TMTC2: variants seen among roughly 807,000 people sequenced by gnomAD.
TMTC2 encodes transmembrane O-mannosyltransferase targeting cadherins 2, also known as protein O-mannosyl-transferase TMTC2.
Under a neutral mutation model 82.4 loss-of-function variants are expected in TMTC2, and 43 were observed. That is an observed-to-expected ratio of 0.52 (90% CI 0.41 to 0.67). The LOEUF (loss-of-function observed/expected upper bound fraction) is 0.67. TMTC2 is among the 30% of genes least tolerant of loss of function. The probability of loss-of-function intolerance (pLI) is 0.00; values close to 1 mark genes in which losing one functional copy is unlikely to be tolerated. For missense variants in TMTC2, 919 were observed against 1,012.4 expected, an observed-to-expected ratio of 0.91 and a Z score of 1.25; for synonymous variants, 408 against 381.9, an observed-to-expected ratio of 1.07 and a Z score of -0.80.
intron 7 of TMTC2, among the ~76,000 whole-genome samples, chr12:82,972,627 G>T (rs1878499640): frequency 6.6e-6 from 1 of 152,062 alleles, no homozygotes; most frequent in Admixed American, 6.5e-5. Flanking sequence ...AGAAACTTGT[G>T]GTATGGAAGA....
chr12:83,021,302 C>T (rs1478567478), intron 8 of TMTC2, among the ~76,000 whole-genome samples: 1 of 152,078 alleles, frequency 6.6e-6, no homozygotes, highest in Non-Finnish European at 1.5e-5. Context: ...CTCTTTTATC[C>T]TAGCATCTCA....
At chr12:83,118,996 G>T (rs188028473) in intron 11 of TMTC2, among the ~76,000 whole-genome samples, 12 of 152,148 alleles carry the variant, frequency 7.9e-5, no homozygotes, top group African/African-American at 2.9e-4. Flanking sequence ...AGTGTCAGTT[G>T]TAATATCTTC....
chr12:82,847,391 A>G (rs1021545520), intron 1 of TMTC2, among the ~76,000 whole-genome samples: 1 of 152,178 alleles, frequency 6.6e-6, no homozygotes. Context: ...GTTTATCAGT[A>G]CCAATCATCT....
At chr12:82,740,214 C>T (rs1378340048) in intron 1 of TMTC2, among the ~76,000 whole-genome samples, 3 of 152,060 alleles carry the variant, frequency 2.0e-5, no homozygotes, top group African/African-American at 4.8e-5. Context: ...AAATCTTTGC[C>T]TCTGGTGTAC....
chr12:82,999,553 G>T, intron 8 of TMTC2, among the ~76,000 whole-genome samples: 1 of 152,272 alleles, frequency 6.6e-6, no homozygotes, highest in South Asian at 2.1e-4. Flanking sequence ...CACATGGCTG[G>T]GGAGGCCACA....
rs190647474 is a variant in TMTC2, at chr12:82,934,004, A to T, written c.1598+3459A>T. Among the ~76,000 whole-genome samples the T allele has an allele frequency of 1.1e-3, 162 of 152,104 alleles. 1 individual carries two copies. In the East Asian group the frequency reaches 0.027, roughly 26 times the overall value. On this transcript the variant is annotated intron_variant, in intron 4 of 11. Coordinates refer to ENST00000321196, the MANE Select transcript of TMTC2 (RefSeq NM_152588.3). Reference sequence around the variant, plus strand: ...TTTGTAAAATGATGGGATAATTTTAATTTTTTTTCTTTAGTAGCAGTAGCT... The same window carrying T: ...TTTGTAAAATGATGGGATAATTTTATTTTTTTTTCTTTAGTAGCAGTAGCT...
chr12:82,820,804 G>T (rs1320973854), intron 1 of TMTC2, among the ~76,000 whole-genome samples: 1 of 152,154 alleles, frequency 6.6e-6, no homozygotes, highest in Non-Finnish European at 1.5e-5. Context: ...TAACCCAGAA[G>T]TCCCTCATCC....
intron 1 of TMTC2, among the ~76,000 whole-genome samples, chr12:82,699,982 A>G (rs1040826484): frequency 1.3e-5 from 2 of 152,176 alleles, no homozygotes; most frequent in Non-Finnish European, 2.9e-5. Context: ...TAGTACTTGT[A>G]TTAGGTATTG....
intron 1 of TMTC2, among the ~76,000 whole-genome samples, chr12:82,813,707 CTTTATCTGT>C (rs1431197490): frequency 6.6e-6 from 1 of 151,942 alleles, no homozygotes; most frequent in Non-Finnish European, 1.5e-5. Context: ...TCTGTATTTC[CTTTATCTGT>C]TTTATATATA....
chr12:82,978,179 A>G (rs7298790), intron 7 of TMTC2, among the ~76,000 whole-genome samples: 116,955 of 151,466 alleles, frequency 0.77, 46,227 homozygotes, highest in East Asian at 0.96. Flanking sequence ...ATCTAGATGC[A>G]GCCAATCTTG....
chr12:82,950,289 A>G (rs1191844979), intron 4 of TMTC2, among the ~76,000 whole-genome samples: 1 of 152,136 alleles, frequency 6.6e-6, no homozygotes, highest in Non-Finnish European at 1.5e-5. Flanking sequence ...AAAAACTTAA[A>G]CCCCAAGTAT....
At chr12:82,985,012 A>ATTTT (rs3993376) in intron 7 of TMTC2, among the ~76,000 whole-genome samples, 138,234 of 151,768 alleles carry the variant, frequency 0.91, 63,086 homozygotes, top group East Asian at 1. Flanking sequence ...AAACTGGTAA[A>ATTTT]ATTTATTTAG....
At chr12:82,929,961 T>C (rs1875937942) in intron 3 of TMTC2, among the ~76,000 whole-genome samples, 1 of 152,230 alleles carries the variant, frequency 6.6e-6, no homozygotes, top group East Asian at 1.9e-4. Context: ...GGCAAGCTTC[T>C]TTATAGCTTT....
chr12:83,128,871 A>G (rs1043635645), intron 11 of TMTC2, among the ~76,000 whole-genome samples: 1 of 152,216 alleles, frequency 6.6e-6, no homozygotes, highest in African/African-American at 2.4e-5. Flanking sequence ...TTGAAGAGAG[A>G]AAACAACCAT....
At chr12:83,090,717 C>T (rs1883817726) in intron 11 of TMTC2, among the ~76,000 whole-genome samples, 1 of 152,180 alleles carries the variant, frequency 6.6e-6, no homozygotes, top group East Asian at 1.9e-4. Context: ...CTGCTTCCTT[C>T]TTAGATCCAT....
chr12:82,712,945 A>G (rs1873700886), intron 1 of TMTC2, among the ~76,000 whole-genome samples: 1 of 152,144 alleles, frequency 6.6e-6, no homozygotes, highest in Non-Finnish European at 1.5e-5. Flanking sequence ...AGCTGAGGGA[A>G]GGAAGAGGAG....
At chr12:83,130,977 C>T (rs1885241369) in intron 11 of TMTC2, among the ~76,000 whole-genome samples, 1 of 152,182 alleles carries the variant, frequency 6.6e-6, no homozygotes, top group Non-Finnish European at 1.5e-5. Flanking sequence ...TCCCCTGTAG[C>T]ATTGCTTTTG....
At chr12:82,800,708 T>C (rs190359773) in intron 1 of TMTC2, among the ~76,000 whole-genome samples, 59 of 152,296 alleles carry the variant, frequency 3.9e-4, no homozygotes, top group Admixed American at 3.1e-3. Context: ...ATAATACAAA[T>C]GACACCTCCA....
At chr12:82,820,063 C>T (rs183554849) in intron 1 of TMTC2, among the ~76,000 whole-genome samples, 1 of 152,060 alleles carries the variant, frequency 6.6e-6, no homozygotes, top group Non-Finnish European at 1.5e-5. Flanking sequence ...ACTTGGAGTC[C>T]GATGTTCTAC....
Sources: allele counts gnomAD v4.1 joint callset (sites outside exome capture counted in the v4.1 genomes callset), GRCh38; gene constraint gnomAD v4.1.1; transcripts MANE v1.5; gene names NCBI Gene and HGNC (gene_info 2026-07-23, HGNC 2026-07-21).